The following PRUNE2 variants were observed in gnomAD, a reference collection of about 807,000 sequenced individuals.
PRUNE2 encodes prune homolog 2 with BCH domain, also known as protein prune homolog 2.
A neutral mutation model predicts 252.0 loss-of-function variants in PRUNE2; 164 were observed. The ratio of observed to expected loss-of-function variants is 0.65; its 90% CI spans 0.57 to 0.74. The LOEUF is 0.74. Among genes scored for constraint, PRUNE2 ranks in the 30% least tolerant of loss-of-function variants. The pLI is 0.00. For synonymous variants in PRUNE2, 1,292 were observed against 1,350.2 expected, an observed-to-expected ratio of 0.96 and a Z score of 0.94; for missense variants, 3,495 against 3,711.0, an observed-to-expected ratio of 0.94 and a Z score of 1.51.
chr9:76,871,056 T>G (rs1463508466), intron 1 of PRUNE2, among the ~76,000 whole-genome samples: 2 of 152,210 alleles, frequency 1.3e-5, no homozygotes, highest in Non-Finnish European at 2.9e-5. Context: ...GTTATCCCTA[T>G]GTGACAGATA....
chr9:76,791,233 C>T (rs1052887712), intron 6 of PRUNE2, among the ~76,000 whole-genome samples: 1 of 149,986 alleles, frequency 6.7e-6, no homozygotes. Context: ...ATCATTGGTA[C>T]AATAATACTG....
chr9:76,628,599 A>T (rs1374489432), intron 16 of PRUNE2, among the ~76,000 whole-genome samples: 5 of 152,234 alleles, frequency 3.3e-5, no homozygotes, highest in Non-Finnish European at 5.9e-5. Context: ...GAGACAGTAT[A>T]CCAATTAACC....
intron 6 of PRUNE2, among the ~76,000 whole-genome samples, chr9:76,799,610 A>C (rs2056397759): frequency 6.6e-6 from 1 of 152,234 alleles, no homozygotes; most frequent in Non-Finnish European, 1.5e-5. Flanking sequence ...GAGAAAGAGC[A>C]TGTGGTTATC....
chr9:76,812,626 C>G (rs2057430469), intron 6 of PRUNE2, among the ~76,000 whole-genome samples: 1 of 152,154 alleles, frequency 6.6e-6, no homozygotes, highest in Non-Finnish European at 1.5e-5. Context: ...ATGCTTATGC[C>G]CAACACCACA....
intron 6 of PRUNE2, among the ~76,000 whole-genome samples, chr9:76,760,419 A>G (rs2051591804): frequency 6.6e-6 from 1 of 152,166 alleles, no homozygotes; most frequent in Admixed American, 6.6e-5. Flanking sequence ...CCCCCATATC[A>G]GTACCAAAGA....
intron 4 of PRUNE2, among the ~76,000 whole-genome samples, chr9:76,838,662 A>C (rs2059208254): frequency 6.6e-6 from 1 of 150,780 alleles, no homozygotes; most frequent in African/African-American, 2.4e-5. Flanking sequence ...AAAAAAAAAA[A>C]AAAAAAACAA....
chr9:76,713,966 C>T (rs1307408606), intron 6 of PRUNE2, among the ~76,000 whole-genome samples: 1 of 152,102 alleles, frequency 6.6e-6, no homozygotes, highest in Non-Finnish European at 1.5e-5. Flanking sequence ...ATAGTTTAGA[C>T]AAAGAACAGA....
intron 9 of PRUNE2, among the ~76,000 whole-genome samples, chr9:76,676,383 T>C (rs1009900143): frequency 2.7e-5 from 4 of 150,320 alleles, no homozygotes; most frequent in Non-Finnish European, 5.9e-5. Context: ...AAAATCTAAA[T>C]GTATTGACAT....
chr9:76,826,563 G>A lies in PRUNE2; in HGVS notation c.661+17C>T. On this transcript the variant is annotated intron_variant, in intron 5 of 18. Transcript: ENST00000376718. ...CTACTCGGGAGGGACAAGAGAGCTG[G>A]GGACAGAGTCACTCACCCTGAGCAC... The A allele has an allele frequency of 6.5e-7, 1 of 1,550,010 alleles. No homozygotes were observed. The highest frequency in any genetic ancestry group is 8.7e-7 in the Non-Finnish European group (1 of 1,143,038).
At chr9:76,701,632 G>C (rs1218355251) in intron 9 of PRUNE2, among the ~76,000 whole-genome samples, 1 of 152,152 alleles carries the variant, frequency 6.6e-6, no homozygotes, top group Non-Finnish European at 1.5e-5. Context: ...GAAGAAAATA[G>C]CTTGACAGGA....
chr9:76,712,970 C>G (rs1404683871), intron 7 of PRUNE2, among the ~76,000 whole-genome samples: 4 of 152,144 alleles, frequency 2.6e-5, no homozygotes, highest in Admixed American at 6.5e-5. Context: ...GCATCTGGGG[C>G]CCCGTGTGGC....
In PRUNE2 at chr9:76,835,335, GA is replaced by G. The variant is rs1043873815; in HGVS notation, c.509-8604del. On this transcript the variant is annotated intron_variant, in intron 4 of 18. Coordinates refer to ENST00000376718, the MANE Select transcript of PRUNE2 (RefSeq NM_015225.3). Reference sequence around the variant, plus strand: ...ACATAGGATTGATTTTTTTCATATTGAAAAAAAAGTAAGGAATGAATAACAG... The same window carrying G: ...ACATAGGATTGATTTTTTTCATATTGAAAAAAAGTAAGGAATGAATAACAG... Among the ~76,000 whole-genome samples the G allele has an allele frequency of 1.9e-4, 28 of 150,992 alleles. No individual in the cohort carries two copies. The East Asian group carries it at 2.5e-3, about 14-fold the overall frequency.
At chr9:76,835,123 A>G (rs955368287) in intron 4 of PRUNE2, among the ~76,000 whole-genome samples, 7 of 152,204 alleles carry the variant, frequency 4.6e-5, no homozygotes, top group African/African-American at 1.7e-4. Context: ...AAGCAAACAC[A>G]ATATTCTTTG....
intron 4 of PRUNE2, among the ~76,000 whole-genome samples, chr9:76,830,284 T>A (rs4326439): frequency 0.59 from 89,795 of 152,074 alleles, 27,528 homozygotes; most frequent in African/African-American, 0.77. Flanking sequence ...AATGGAGCTG[T>A]AGCAATATTT....
At chr9:76,806,651 G>A (rs1218593259) in intron 6 of PRUNE2, among the ~76,000 whole-genome samples, 1 of 150,586 alleles carries the variant, frequency 6.6e-6, no homozygotes, top group Non-Finnish European at 1.5e-5. Flanking sequence ...GGGACTACAG[G>A]TGCCCACCAA....
At chr9:76,883,434 A>G (rs192210032) in intron 1 of PRUNE2, among the ~76,000 whole-genome samples, 1 of 152,372 alleles carries the variant, frequency 6.6e-6, no homozygotes, top group Admixed American at 6.5e-5. Context: ...GCAGCTTTGG[A>G]TACCAAACTA....
At chr9:76,684,689 T>G (rs961677691) in intron 9 of PRUNE2, among the ~76,000 whole-genome samples, 3 of 152,142 alleles carry the variant, frequency 2.0e-5, no homozygotes, top group Admixed American at 2.0e-4. Flanking sequence ...AGAAAAACAA[T>G]GCTCACAAAC....
At chr9:76,644,421 T>C in intron 12 of PRUNE2, 1 of 397,454 alleles carries the variant, frequency 2.5e-6, no homozygotes, top group East Asian at 6.3e-5. Context: ...AACCGTACAA[T>C]GGACTGATAA....
At chr9:76,771,052 C>T (rs512781) in intron 6 of PRUNE2, among the ~76,000 whole-genome samples, 72,215 of 151,542 alleles carry the variant, frequency 0.48, 17,574 homozygotes, top group East Asian at 0.67. Flanking sequence ...CTTGAGAAAT[C>T]GACAAAAAAT....
Sources: gnomAD v4.1 joint callset for allele counts (sites outside exome capture counted in the v4.1 genomes callset) on GRCh38, gnomAD v4.1.1 for gene constraint, MANE v1.5 for transcripts, NCBI Gene and HGNC (gene_info 2026-07-23, HGNC 2026-07-21) for gene names.